Variants in KCNIP2 observed in about 807,000 individuals in gnomAD.
The protein encoded by KCNIP2 is A-type potassium channel modulatory protein KCNIP2.
In KCNIP2, 19 loss-of-function variants were observed where a neutral mutation model predicts 39.0. The observed-to-expected ratio is 0.49, with a 90% CI of 0.34 to 0.71. The LOEUF is 0.71. Among genes scored for constraint, KCNIP2 ranks in the 30% least tolerant of loss-of-function variants. KCNIP2 has a pLI of 0.01. For synonymous variants in KCNIP2, 111 were observed against 131.2 expected, an observed-to-expected ratio of 0.85 and a Z score of 1.05; for missense variants, 261 against 346.0, an observed-to-expected ratio of 0.75 and a Z score of 1.95.
Position 101,828,943 on chromosome 10 carries a change from A to C in KCNIP2, c.348+132T>G. ...CCCCGCCCCAGAACCTCCAGCTAGA[A>C]GTTCAGTCTCAGGGCCTTGCCTCCC... On this transcript the variant is annotated intron_variant, in intron 4 of 9. Transcript: ENST00000356640. This position sits in a 1 kb window ranked among gnomAD's most constrained non-coding sequence, Gnocchi z 6.6. 1 of 1,507,160 alleles carries C rather than the reference A, an allele frequency of 6.6e-7. No individual in the cohort carries two copies. The highest frequency in any genetic ancestry group is 8.9e-7 in the Non-Finnish European group (1 of 1,121,970). 93.4% of individuals were successfully genotyped at this position (1,507,160 alleles called of 1,614,324 possible). A position where few individuals can be genotyped will look rare whatever the true frequency, so the allele number is the denominator to read the frequency against.
chr10:101,831,075 CACTG>C lies in KCNIP2; in HGVS notation c.162_165del (p.Ser55LysfsTer3), dbSNP rs946551220. On this transcript the variant is annotated frameshift_variant, in exon 2 of 10. Coordinates refer to ENST00000356640, the MANE Select transcript of KCNIP2 (RefSeq NM_173191.3). LOFTEE classifies it high-confidence loss of function. The stretch of plus-strand genomic sequence containing the variant: ...GAAGCACATGAGAGGCACTTGCTTT[CACTG>C]ACTGAGGGCAGGGCTTGGGGCCCGC... 6.2e-7 allele frequency: 1 copy of C among 1,613,538 alleles called. No individual in the cohort carries two copies. Among genetic ancestry groups the C allele is most frequent in the Non-Finnish European group, 8.5e-7 (1 of 1,179,892 alleles).
chr10:101,841,772 A>AG (rs1273891289), intron 1 of KCNIP2, among the ~76,000 whole-genome samples: 1 of 152,232 alleles, frequency 6.6e-6, no homozygotes, highest in African/African-American at 2.4e-5. Context: ...CAAATAGCCA[A>AG]GTGGGGAAGG....
At chr10:101,836,510 C>T (rs976519042) in intron 1 of KCNIP2, among the ~76,000 whole-genome samples, 3 of 151,946 alleles carry the variant, frequency 2.0e-5, no homozygotes, top group Non-Finnish European at 4.4e-5. Flanking sequence ...TGCTGGAATT[C>T]CAGGCGTGTG....
rs566034044 is a variant in KCNIP2 at position 101,843,328 on chromosome 10, G to A, written c.73+168C>T. Reference sequence around the variant, plus strand: ...TCTTCTGTTCCTCCCCAACCCCTGCGGGACCCAAGGCTTTGAACCCCCAGT... The same window carrying A: ...TCTTCTGTTCCTCCCCAACCCCTGCAGGACCCAAGGCTTTGAACCCCCAGT... On this transcript the variant is annotated intron_variant, in intron 1 of 9. Transcript: ENST00000356640. This position sits in a 1 kb window ranked among gnomAD's most constrained non-coding sequence, Gnocchi z 6.7. 1.5e-3 allele frequency among the ~76,000 whole-genome samples: 230 copies of A among 152,280 alleles called. 7 individuals are homozygous for A. The South Asian group carries it at 0.047, about 31-fold the overall frequency.
Position 101,841,878 on chromosome 10 carries a change from G to T in KCNIP2, c.73+1618C>A, listed in dbSNP as rs184060042. ...GCCCCTAGGCCCTTACTACTCTCAA[G>T]AATCCTAAGCTGGTGATGGGAACAG... On this transcript the variant is annotated intron_variant, in intron 1 of 9. Coordinates refer to ENST00000356640, the MANE Select transcript of KCNIP2 (RefSeq NM_173191.3). Among the ~76,000 whole-genome samples, 456 of 152,334 alleles carry T rather than the reference G, an allele frequency of 3.0e-3. 7 individuals carry two copies. Among genetic ancestry groups the T allele is most frequent in the Non-Finnish European group, 2.7e-3 (184 of 68,032 alleles).
intron 1 of KCNIP2, among the ~76,000 whole-genome samples, chr10:101,840,516 T>C (rs1468375623): frequency 6.7e-6 from 1 of 148,752 alleles, no homozygotes; most frequent in East Asian, 2.0e-4. Context: ...ATACGCTGGC[T>C]ACAGCCGAAT....
chr10:101,834,471 C>T (rs1034569806), intron 1 of KCNIP2: 15 of 398,150 alleles, frequency 3.8e-5, no homozygotes, highest in African/African-American at 3.1e-4. Flanking sequence ...AGTAGGACTG[C>T]CTGCAGCCTC....
Position 101,828,345 on chromosome 10 carries a change from AAC to A in KCNIP2, c.489+42_489+43del. The A allele has an allele frequency of 7.4e-6, 12 of 1,612,890 alleles. No homozygotes were observed. Among genetic ancestry groups the A allele is most frequent in the Non-Finnish European group, 1.0e-5 (12 of 1,178,984 alleles). On this transcript the variant is annotated intron_variant, in intron 6 of 9. Coordinates refer to ENST00000356640, the MANE Select transcript of KCNIP2 (RefSeq NM_173191.3). This position sits in a 1 kb window ranked among gnomAD's most constrained non-coding sequence, Gnocchi z 6.6. ...GTTTGGCCTGGAGATCCTGGCCCTG[AAC>A]TCCAGGAAACAGGCTTCCCTGGCCC...
chr10:101,831,419 G>A (rs529085447), intron 1 of KCNIP2, among the ~76,000 whole-genome samples: 1 of 152,294 alleles, frequency 6.6e-6, no homozygotes, highest in East Asian at 1.9e-4. Flanking sequence ...TGAGGTGGCA[G>A]TGGCCTCAGT....
chr10:101,829,902 A>G lies in KCNIP2; in HGVS notation c.170-5T>C, dbSNP rs572130897. ...GGGAGGCTGGGGCGGCTAATGCTGA[A>G]GGGAGCGAACTGTCACCGAGAAAGC... is the stretch of plus-strand genomic sequence containing the variant. On this transcript the variant is annotated splice_region_variant and splice_polypyrimidine_tract_variant and intron_variant, in intron 2 of 9. Transcript: ENST00000356640. 1.3e-6 allele frequency: 2 copies of G among 1,536,566 alleles called. No individual in the cohort carries two copies. The highest frequency in any genetic ancestry group is 2.1e-5 in the Admixed American group (1 of 46,608).
intron 3 of KCNIP2, 157 bp downstream of exon 3, chr10:101,829,687 G>A: frequency 6.4e-6 from 2 of 311,590 alleles, no homozygotes; most frequent in Non-Finnish European, 5.7e-6. Context: ...CCTGAGCCAT[G>A]CCCCGCCCAG....
chr10:101,832,682 G>A (rs910331184), intron 1 of KCNIP2, among the ~76,000 whole-genome samples: 1 of 152,142 alleles, frequency 6.6e-6, no homozygotes, highest in Non-Finnish European at 1.5e-5. Flanking sequence ...CATTAGCCTG[G>A]ACTCTAGTTT....
At chr10:101,839,913 G>C in intron 1 of KCNIP2, 1 of 1,450,158 alleles carries the variant, frequency 6.9e-7, no homozygotes, top group Non-Finnish European at 9.2e-7. Context: ...CCCTCACCCG[G>C]GTAGGCCCGC....
intron 3 of KCNIP2, 155 bp from the exon 4 acceptor site, chr10:101,829,354 G>A: frequency 3.1e-6 from 3 of 977,756 alleles, no homozygotes; most frequent in Non-Finnish European, 4.4e-6. Context: ...GGACACTGAG[G>A]TAAGGAGAAA....
At chr10:101,839,043 T>G (rs992026739) in intron 1 of KCNIP2, among the ~76,000 whole-genome samples, 1 of 152,100 alleles carries the variant, frequency 6.6e-6, no homozygotes, top group Non-Finnish European at 1.5e-5. Flanking sequence ...ACAACCAACT[T>G]AGAGGCTCAG....
At chr10:101,837,681 G>GATA (rs1267333465) in intron 1 of KCNIP2, among the ~76,000 whole-genome samples, 1 of 152,000 alleles carries the variant, frequency 6.6e-6, no homozygotes, top group East Asian at 1.9e-4. Flanking sequence ...TAATAATAAT[G>GATA]ATAATAATAA....
In KCNIP2 at chr10:101,843,105, G is replaced by GCACTGCCACATACAATCA. The variant is rs2066379981; in HGVS notation, c.73+373_73+390dup. On this transcript the variant is annotated intron_variant, in intron 1 of 9. Coordinates refer to ENST00000356640, the MANE Select transcript of KCNIP2 (RefSeq NM_173191.3). This position sits in a 1 kb window ranked among gnomAD's most constrained non-coding sequence, Gnocchi z 6.7. ...AAACATCTGACGAGACCATACAATTGCACTGCCACATACAATCACACTCAC... is the reference window on the plus strand; with the variant it reads ...AAACATCTGACGAGACCATACAATTGCACTGCCACATACAATCACACTGCCACATACAATCACACTCAC... Among the ~76,000 whole-genome samples the GCACTGCCACATACAATCA allele has an allele frequency of 6.6e-6, 1 of 152,162 alleles. No individual in the cohort carries two copies. Among genetic ancestry groups the GCACTGCCACATACAATCA allele is most frequent in the African/African-American group, 2.4e-5 (1 of 41,420 alleles).
At chr10:101,832,336 G>GTGTC (rs889262055) in intron 1 of KCNIP2, among the ~76,000 whole-genome samples, 4 of 142,566 alleles carry the variant, frequency 2.8e-5, no homozygotes, top group African/African-American at 7.6e-5. Flanking sequence ...GTGTGTGTGT[G>GTGTC]TGTGTCTGTG....
At chr10:101,837,645 GA>G (rs2066204043) in intron 1 of KCNIP2, among the ~76,000 whole-genome samples, 1 of 152,092 alleles carries the variant, frequency 6.6e-6, no homozygotes, top group Non-Finnish European at 1.5e-5. Flanking sequence ...CAGTCTGACT[GA>G]AAGAGCAAAA....
Sources: allele counts gnomAD v4.1 joint callset (sites outside exome capture counted in the v4.1 genomes callset), GRCh38; gene constraint gnomAD v4.1.1; non-coding constraint Gnocchi (gnomAD v3.1); transcripts MANE v1.5; gene names NCBI Gene and HGNC (gene_info 2026-07-23, HGNC 2026-07-21).